CYFIP2: variants seen among roughly 807,000 people sequenced by gnomAD.
CYFIP2 encodes cytoplasmic FMR1-interacting protein 2.
Under a neutral mutation model 158.7 loss-of-function variants are expected in CYFIP2, and 29 were observed. The observed-to-expected ratio is 0.18, with a 90% confidence interval of 0.14 to 0.25. CYFIP2 has a LOEUF of 0.25. CYFIP2 is among the 10% of genes least tolerant of loss of function. CYFIP2 has a pLI of 1.00. For synonymous variants in CYFIP2, 585 were observed against 617.6 expected, an observed-to-expected ratio of 0.95 and a Z score of 0.78; for missense variants, 852 against 1,639.5, an observed-to-expected ratio of 0.52 and a Z score of 8.29.
In CYFIP2 at chr5:157,361,676, T is replaced by G; in HGVS notation, c.3039+78T>G. ...AACCCCAAGCAGATATTGAGGCTCC[T>G]GCAGCATTGATTTGTGCTTTGAGTA... On this transcript the variant is annotated intron_variant, in intron 26 of 30. Transcript: ENST00000620254. The surrounding 1 kb of genome is among the most constrained non-coding windows in gnomAD (Gnocchi z 4.4). 1 of 1,563,760 alleles carries G rather than the reference T, an allele frequency of 6.4e-7. No homozygotes were observed. Among genetic ancestry groups the G allele is most frequent in the Non-Finnish European group, 8.7e-7 (1 of 1,144,890 alleles).
intron 27 of CYFIP2, 31 bp from the exon 28 acceptor site, chr5:157,383,234 C>CTCA: frequency 6.2e-7 from 1 of 1,605,370 alleles, no homozygotes; most frequent in African/African-American, 1.3e-5. Context: ...TTCCCTGAGT[C>CTCA]TCATTTTCTG....
At chr5:157,281,611 A>G (rs1756994365) in intron 1 of CYFIP2, among the ~76,000 whole-genome samples, 1 of 152,218 alleles carries the variant, frequency 6.6e-6, no homozygotes, top group African/African-American at 2.4e-5. Flanking sequence ...ACTTGGAATA[A>G]TAGTCCCTTT....
At chr5:157,343,264 C>T (rs962586882) in intron 23 of CYFIP2, 1 of 1,614,058 alleles carries the variant, frequency 6.2e-7, no homozygotes, top group Non-Finnish European at 8.5e-7. Context: ...GGGTGTGGAA[C>T]ATGGTGCAGT....
chr5:157,359,803 T>G (rs1763679193), intron 24 of CYFIP2, among the ~76,000 whole-genome samples: 1 of 152,254 alleles, frequency 6.6e-6, no homozygotes. Flanking sequence ...AGGATTAATC[T>G]GCTAACTCCA....
rs1561691449 is a variant in CYFIP2 at position 157,287,024 on chromosome 5, C to T, written c.123C>T (p.Asn41=). The T allele has an allele frequency of 6.2e-7, 1 of 1,613,292 alleles. No individual in the cohort carries two copies. The highest frequency in any genetic ancestry group is 8.5e-7 in the Non-Finnish European group (1 of 1,179,348). ...CCTGTCCTCTAATTCCACAGGCTAA[C>T]TTTGACACAAACTTTGAGGACAGGA... is the stretch of plus-strand genomic sequence containing the variant. ...PPPSSIMYQA[N]FDTNFEDRNA... The change falls in exon 3 of 31, where the codon AAC becomes AAT. Residue 41 remains asparagine (N), a synonymous_variant. Coordinates refer to ENST00000620254, the MANE Select transcript of CYFIP2 (RefSeq NM_001037333.3).
At chr5:157,316,800 A>G (rs750794589) in intron 13 of CYFIP2, among the ~76,000 whole-genome samples, 3 of 152,198 alleles carry the variant, frequency 2.0e-5, no homozygotes, top group Non-Finnish European at 4.4e-5. Flanking sequence ...ATGGATGTAG[A>G]TGAGCTCTGA....
chr5:157,271,333 G>C (rs1756073033), intron 1 of CYFIP2: 1 of 152,248 alleles, frequency 6.6e-6, no homozygotes, highest in Non-Finnish European at 1.5e-5. Flanking sequence ...ATGGTCATTT[G>C]CTTTAGTGTT....
intron 16 of CYFIP2, 60 bp downstream of exon 16, chr5:157,324,134 G>T (rs367744288): frequency 6.6e-7 from 1 of 1,524,344 alleles, no homozygotes; most frequent in Admixed American, 2.0e-5. Flanking sequence ...TCTCAGAGCC[G>T]CTAAGACCAC....
At chr5:157,360,474 C>T (rs1252236419) in intron 25 of CYFIP2, 102 bp downstream of exon 25, 2 of 930,616 alleles carry the variant, frequency 2.1e-6, no homozygotes, top group Non-Finnish European at 3.3e-6. Flanking sequence ...AGTGAGCTGG[C>T]AGAGTACTGG....
chr5:157,332,080 A>C (rs1252102483), intron 20 of CYFIP2, among the ~76,000 whole-genome samples: 1 of 152,188 alleles, frequency 6.6e-6, no homozygotes, highest in East Asian at 1.9e-4. Context: ...CTGGTGACTG[A>C]ATTGAGTGCA....
intron 28 of CYFIP2, 45 bp downstream of exon 28, chr5:157,383,404 C>T (rs1766325038): frequency 1.3e-6 from 2 of 1,553,402 alleles, no homozygotes; most frequent in South Asian, 1.1e-5. Flanking sequence ...CTGACAGGAA[C>T]TTGAGAGCAT....
chr5:157,357,519 G>C (rs577916201), intron 23 of CYFIP2, among the ~76,000 whole-genome samples: 27 of 152,162 alleles, frequency 1.8e-4, no homozygotes, highest in Non-Finnish European at 3.4e-4. Context: ...ATTCCAGTTG[G>C]GAGAACTACA....
chr5:157,340,032 A>G (rs569122772), intron 22 of CYFIP2, among the ~76,000 whole-genome samples: 182 of 152,376 alleles, frequency 1.2e-3, no homozygotes, highest in Non-Finnish European at 2.2e-3. Flanking sequence ...ATCTGAAAGC[A>G]TGCCTGCAAA....
intron 26 of CYFIP2, among the ~76,000 whole-genome samples, chr5:157,367,759 T>TC (rs1170884944): frequency 6.7e-6 from 1 of 148,624 alleles, no homozygotes; most frequent in East Asian, 2.0e-4. Flanking sequence ...CACTTTTTTT[T>TC]TTTTTTTTTT....
intron 17 of CYFIP2, 162 bp downstream of exon 17, chr5:157,325,800 A>G (rs895136774): frequency 3.5e-5 from 27 of 774,090 alleles, no homozygotes; most frequent in Non-Finnish European, 7.8e-6. Context: ...CATTTAATTC[A>G]GCCTTGCAGA....
rs150705657 is a variant in CYFIP2, at chr5:157,295,877, G to A, written c.286-796G>A. ...GCCTTGGCGTGTGCGTTGTGAGGAT[G>A]TCTGCCATCGGATTCTGATGTGCAC... On this transcript the variant is annotated intron_variant, in intron 4 of 30. Coordinates refer to ENST00000620254, the MANE Select transcript of CYFIP2 (RefSeq NM_001037333.3). 4.5e-4 allele frequency among the ~76,000 whole-genome samples: 68 copies of A among 152,356 alleles called. 1 individual carries two copies. The highest frequency in any genetic ancestry group is 1.5e-3 in the African/African-American group (64 of 41,584).
intron 8 of CYFIP2, among the ~76,000 whole-genome samples, chr5:157,306,986 G>A (rs769413666): frequency 6.6e-6 from 1 of 151,778 alleles, no homozygotes; most frequent in Non-Finnish European, 1.5e-5. Context: ...AGAAATAGAG[G>A]AATGGAGAGA....
intron 30 of CYFIP2, 35 bp from the exon 31 acceptor site, chr5:157,392,798 C>CCTG: frequency 6.2e-7 from 1 of 1,608,198 alleles, no homozygotes; most frequent in Non-Finnish European, 8.5e-7. Flanking sequence ...CCCACTTTGT[C>CCTG]CTGCCCTAAC....
At chr5:157,304,202 T>C (rs1394563870) in intron 7 of CYFIP2, 36 bp from the exon 8 acceptor site, 15 of 1,596,664 alleles carry the variant, frequency 9.4e-6, no homozygotes, top group Non-Finnish European at 1.3e-5. Flanking sequence ...ACAGGATACA[T>C]GCGCTGCCTA....
Sources: gnomAD v4.1 joint callset for allele counts (sites outside exome capture counted in the v4.1 genomes callset) on GRCh38, gnomAD v4.1.1 for gene constraint, Gnocchi (gnomAD v3.1) non-coding constraint, MANE v1.5 for transcripts, NCBI Gene and HGNC (gene_info 2026-07-23, HGNC 2026-07-21) for gene names.